The following OCIAD1 variants were observed in gnomAD, a reference collection of about 807,000 sequenced individuals.
The protein encoded by OCIAD1 is OCIA domain containing 1.
A neutral mutation model predicts 38.9 loss-of-function variants in OCIAD1; 29 were observed. That is an observed-to-expected ratio of 0.74 (90% CI 0.55 to 1.02). OCIAD1 has a LOEUF of 1.02. Ranked by LOEUF, OCIAD1 falls within the 50% of genes least tolerant of loss-of-function variation. OCIAD1 has a pLI of 0.00. For synonymous variants in OCIAD1, 110 were observed against 92.0 expected (o/e 1.20, Z -1.12); for missense variants, 288 against 289.6 (o/e 0.99, Z 0.04).
Position 48,805,701 on chromosome 4 carries a change from T to A in OCIAD1, c.-103+371T>A, listed in dbSNP as rs570475273. Among the ~76,000 whole-genome samples, 3 of 151,098 alleles carry A rather than the reference T, an allele frequency of 2.0e-5. No homozygotes were observed. The East Asian group carries it at 5.9e-4, about 30-fold the overall frequency. ...CCCCATCTCTTAAAAAAAAAAAAAA[T>A]TATCAGAAATCTCTCTTGTCCCTTT... On this transcript the variant is annotated intron_variant, in intron 1 of 6. Transcript: ENST00000504654.
intron 1 of OCIAD1, among the ~76,000 whole-genome samples, chr4:48,811,093 GC>G (rs527893574): frequency 1.9e-3 from 296 of 152,026 alleles, no homozygotes; most frequent in African/African-American, 6.6e-3. Context: ...TTGAGCTCAG[GC>G]CATCCATCCA....
upstream of OCIAD1, among the ~76,000 whole-genome samples, chr4:48,828,802 T>C (rs557340368): frequency 6.6e-6 from 1 of 152,308 alleles, no homozygotes; most frequent in African/African-American, 2.4e-5. Context: ...CTTTAAGAAC[T>C]GTAACGCTCA....
At chr4:48,807,038 G>A (rs1226581580) in intron 1 of OCIAD1, among the ~76,000 whole-genome samples, 1 of 152,082 alleles carries the variant, frequency 6.6e-6, no homozygotes, top group Non-Finnish European at 1.5e-5. Flanking sequence ...GGGGTAGCTG[G>A]GACCACAGGC....
chr4:48,841,440 A>G (rs754411427), intron 3 of OCIAD1, among the ~76,000 whole-genome samples: 1 of 152,114 alleles, frequency 6.6e-6, no homozygotes, highest in Non-Finnish European at 1.5e-5. Context: ...GGGAGTGTAA[A>G]TTTCTCCAAC....
rs539076146 is a variant in OCIAD1 at position 48,836,913 on chromosome 4, A to G, written c.139+3432A>G. Among the ~76,000 whole-genome samples, 3 of 152,376 alleles carry G rather than the reference A, an allele frequency of 2.0e-5. 1 individual carries two copies. The South Asian group carries it at 6.2e-4, about 32-fold the overall frequency. Reference sequence around the variant, plus strand: ...AGTTGAGAATAATTGTTATAGATGCATAGTCATCATAAAGTAAGGGCTTCT... The same window carrying G: ...AGTTGAGAATAATTGTTATAGATGCGTAGTCATCATAAAGTAAGGGCTTCT... On this transcript the variant is annotated intron_variant, in intron 3 of 8. Coordinates refer to ENST00000264312, the MANE Select transcript of OCIAD1 (RefSeq NM_017830.4).
Position 48,852,868 on chromosome 4 carries a change from T to TTTTTTTG in OCIAD1, c.547+907_547+913dup, listed in dbSNP as rs1164077591. Among the ~76,000 whole-genome samples the TTTTTTTG allele has an allele frequency of 5.9e-5, 7 of 117,690 alleles. 1 individual carries two copies. Among genetic ancestry groups the TTTTTTTG allele is most frequent in the Middle Eastern group, 8.1e-3 (2 of 248 alleles). 77.2% of individuals were successfully genotyped at this position (117,690 alleles called of 152,430 possible). A position where few individuals can be genotyped will look rare whatever the true frequency, so the allele number is the denominator to read the frequency against. Reference sequence around the variant, plus strand: ...AATTCAAAAAGGTTTAAGCCAAGTTTTTTTTTGTTTTTTGTTTTTTTTTTT... The same window carrying TTTTTTTG: ...AATTCAAAAAGGTTTAAGCCAAGTTTTTTTTTGTTTTTTGTTTTTTGTTTTTTTTTTT... On this transcript the variant is annotated intron_variant, in intron 7 of 8. Transcript: ENST00000264312.
chr4:48,844,046 G>C (rs1206106455), intron 4 of OCIAD1, among the ~76,000 whole-genome samples: 4 of 152,144 alleles, frequency 2.6e-5, no homozygotes, highest in Admixed American at 1.3e-4. Context: ...TCTTTGTAGG[G>C]CTGTTGTAAT....
chr4:48,835,686 T>G (rs1777918725), intron 3 of OCIAD1, among the ~76,000 whole-genome samples: 1 of 152,126 alleles, frequency 6.6e-6, no homozygotes, highest in Non-Finnish European at 1.5e-5. Flanking sequence ...CTGCCTGCCT[T>G]GGCCTCCCCA....
At chr4:48,810,410 A>G (rs1452547364) in intron 1 of OCIAD1, among the ~76,000 whole-genome samples, 3 of 147,174 alleles carry the variant, frequency 2.0e-5, no homozygotes, top group Admixed American at 1.4e-4. Context: ...TGGAGCTTGC[A>G]GTGAGCCAAG....
chr4:48,826,352 G>T (rs1777250545), upstream of OCIAD1, among the ~76,000 whole-genome samples: 2 of 152,032 alleles, frequency 1.3e-5, no homozygotes, highest in Admixed American at 6.6e-5. Context: ...CCCACCCTGT[G>T]TCCGAGTGTT....
At chr4:48,814,495 A>G in intron 1 of OCIAD1, among the ~76,000 whole-genome samples, 1 of 152,150 alleles carries the variant, frequency 6.6e-6, no homozygotes, top group Non-Finnish European at 1.5e-5. Flanking sequence ...AGCTGGAATT[A>G]AGGCAAAAAC....
At chr4:48,842,777 T>G in intron 4 of OCIAD1, 88 bp downstream of exon 4, 1 of 705,786 alleles carries the variant, frequency 1.4e-6, no homozygotes, top group South Asian at 1.8e-5. Flanking sequence ...AAAGTAAAGA[T>G]AACAATGTAT....
At chr4:48,859,228 A>AG (rs373020420) in intron 8 of OCIAD1, among the ~76,000 whole-genome samples, 1 of 151,802 alleles carries the variant, frequency 6.6e-6, no homozygotes, top group Non-Finnish European at 1.5e-5. Flanking sequence ...ATGTAAAAAA[A>AG]ATCTACCTTT....
intron 5 of OCIAD1, among the ~76,000 whole-genome samples, chr4:48,849,072 A>G (rs1420164219): frequency 1.3e-5 from 2 of 151,984 alleles, no homozygotes; most frequent in East Asian, 3.9e-4. Context: ...GCATGTTCTC[A>G]CTCATAGGTG....
At chr4:48,859,935 A>G (rs1780451607) in intron 8 of OCIAD1, among the ~76,000 whole-genome samples, 1 of 152,200 alleles carries the variant, frequency 6.6e-6, no homozygotes. Flanking sequence ...GAATGAGAGC[A>G]AGGGGAAAAG....
upstream of OCIAD1, among the ~76,000 whole-genome samples, chr4:48,829,604 T>C (rs1221444144): frequency 6.6e-5 from 10 of 152,170 alleles, no homozygotes; most frequent in Non-Finnish European, 2.9e-5. Flanking sequence ...GTTAATTGGG[T>C]GGTCAAGGAA....
At chr4:48,807,066 G>T (rs531354916) in intron 1 of OCIAD1, among the ~76,000 whole-genome samples, 1 of 152,250 alleles carries the variant, frequency 6.6e-6, no homozygotes, top group South Asian at 2.1e-4. Context: ...ACCAACAGGT[G>T]GCTATATTTT....
At chr4:48,830,724 A>G (rs989786500), upstream of OCIAD1, 1 of 152,286 alleles carries the variant, frequency 6.6e-6, no homozygotes, top group African/African-American at 2.4e-5. Context: ...AGGCTCAAAG[A>G]ATGAAATTAT....
upstream of OCIAD1, among the ~76,000 whole-genome samples, chr4:48,830,217 A>G (rs1194342390): frequency 6.6e-6 from 1 of 152,208 alleles, no homozygotes; most frequent in Non-Finnish European, 1.5e-5. Context: ...AAAGACTCCA[A>G]GGAAGGAAAC....
Sources: allele counts gnomAD v4.1 joint callset (sites outside exome capture counted in the v4.1 genomes callset), GRCh38; gene constraint gnomAD v4.1.1; transcripts MANE v1.5; gene names NCBI Gene and HGNC (gene_info 2026-07-23, HGNC 2026-07-21).